The following SGCG variants were observed in gnomAD, a reference collection of about 807,000 sequenced individuals.
SGCG encodes gamma-sarcoglycan.
Under a neutral mutation model 29.3 loss-of-function variants are expected in SGCG, and 26 were observed. The observed-to-expected ratio is 0.89, with a 90% CI of 0.65 to 1.23. SGCG has a LOEUF of 1.23. Ranked by LOEUF, SGCG falls within the 50% of genes most tolerant of loss-of-function variation. The pLI is 0.00. For synonymous variants in SGCG, 145 were observed against 129.7 expected, an observed-to-expected ratio of 1.12 and a Z score of -0.80; for missense variants, 353 against 356.0, an observed-to-expected ratio of 0.99 and a Z score of 0.07.
chr13:23,168,440 C>T, the SGCG span, among the ~76,000 whole-genome samples: 1 of 152,162 alleles, frequency 6.6e-6, no homozygotes, highest in African/African-American at 2.4e-5. Flanking sequence ...GTATCCTCAG[C>T]CCTGGAACAG....
intron 4 of SGCG, among the ~76,000 whole-genome samples, chr13:23,261,775 A>G (rs1306882070): frequency 1.3e-5 from 2 of 152,104 alleles, no homozygotes; most frequent in Non-Finnish European, 2.9e-5. Flanking sequence ...CAGGTAACCT[A>G]TAAAGGAAAA....
At chr13:23,275,750 A>C (rs183304846) in intron 4 of SGCG, among the ~76,000 whole-genome samples, 1 of 152,212 alleles carries the variant, frequency 6.6e-6, no homozygotes, top group Non-Finnish European at 1.5e-5. Flanking sequence ...ATTTTGCCAC[A>C]AAAGTAGTAG....
At chr13:23,210,142 C>A (rs1481106114) in intron 2 of SGCG, among the ~76,000 whole-genome samples, 4 of 152,110 alleles carry the variant, frequency 2.6e-5, no homozygotes, top group Non-Finnish European at 5.9e-5. Context: ...CTAATCTAAT[C>A]ATGTATGTTT....
intron 4 of SGCG, among the ~76,000 whole-genome samples, chr13:23,274,368 A>T (rs17315279): frequency 1.4e-5 from 2 of 146,228 alleles, no homozygotes; most frequent in Non-Finnish European, 3.0e-5. Flanking sequence ...AAGTAATGCA[A>T]GGGTGTGTTT....
Position 23,263,448 on chromosome 13 carries a change from C to T in SGCG, c.385+12731C>T, listed in dbSNP as rs570567842. 2.0e-5 allele frequency among the ~76,000 whole-genome samples: 3 copies of T among 152,026 alleles called. No individual in the cohort carries two copies. The East Asian group carries it at 5.8e-4, about 29-fold the overall frequency. On this transcript the variant is annotated intron_variant, in intron 4 of 7. Transcript: ENST00000218867. ...ATCAGAAAGAAATAGAATTCCTGAA[C>T]AGACCAATAACAAGCAATGAGATTG...
intron 1 of SGCG, among the ~76,000 whole-genome samples, chr13:23,199,561 T>C (rs546314157): frequency 1.4e-5 from 2 of 142,004 alleles, no homozygotes; most frequent in African/African-American, 2.5e-5. Context: ...GTGAGAAATA[T>C]AAACAAATCA....
chr13:23,182,579 A>C (rs1182066265), intron 1 of SGCG, among the ~76,000 whole-genome samples: 1 of 152,050 alleles, frequency 6.6e-6, no homozygotes, highest in East Asian at 1.9e-4. Context: ...AGGATCCATC[A>C]CTTGCTACTT....
intron 4 of SGCG, among the ~76,000 whole-genome samples, chr13:23,251,104 T>G (rs904002717): frequency 6.6e-6 from 1 of 152,196 alleles, no homozygotes; most frequent in Non-Finnish European, 1.5e-5. Flanking sequence ...CGTTCTTTCT[T>G]CTCTTTTCTC....
At chr13:23,287,614 T>C (rs914224527) in intron 5 of SGCG, among the ~76,000 whole-genome samples, 1 of 152,162 alleles carries the variant, frequency 6.6e-6, no homozygotes, top group African/African-American at 2.4e-5. Flanking sequence ...CTAACAGAAA[T>C]AGAAGACTAA....
chr13:23,240,387 C>T (rs1879461935), intron 3 of SGCG, among the ~76,000 whole-genome samples: 2 of 152,178 alleles, frequency 1.3e-5, no homozygotes, highest in African/African-American at 4.8e-5. Context: ...GGGATTTCAG[C>T]ACCCCTCTCT....
chr13:23,201,414 G>A (rs1011547366), intron 1 of SGCG, among the ~76,000 whole-genome samples: 1 of 152,046 alleles, frequency 6.6e-6, no homozygotes, highest in Non-Finnish European at 1.5e-5. Flanking sequence ...CTCTCGAAAG[G>A]GAAAGACCAT....
chr13:23,314,784 G>C (rs1377535234), intron 6 of SGCG, among the ~76,000 whole-genome samples: 2 of 152,148 alleles, frequency 1.3e-5, no homozygotes, highest in Non-Finnish European at 2.9e-5. Context: ...GGCCTGTCAA[G>C]ATACTCCTTC....
At chr13:23,168,699 GACAA>G in the SGCG span, among the ~76,000 whole-genome samples, 2 of 152,146 alleles carry the variant, frequency 1.3e-5, no homozygotes, top group Non-Finnish European at 2.9e-5. Flanking sequence ...TATTCTAGCA[GACAA>G]ACATTTTTTA....
chr13:23,318,288 T>G (rs1029968337), intron 6 of SGCG, among the ~76,000 whole-genome samples: 2 of 151,628 alleles, frequency 1.3e-5, no homozygotes, highest in Non-Finnish European at 2.9e-5. Flanking sequence ...AACTGTGAGA[T>G]CTCTCAAAGT....
At chr13:23,230,752 T>A (rs948645202) in intron 2 of SGCG, among the ~76,000 whole-genome samples, 2 of 151,402 alleles carry the variant, frequency 1.3e-5, no homozygotes, top group Admixed American at 1.3e-4. Flanking sequence ...TGACTTCCTC[T>A]CCTCCTATTT....
At chr13:23,281,797 G>C (rs1271990079) in intron 5 of SGCG, among the ~76,000 whole-genome samples, 1 of 152,140 alleles carries the variant, frequency 6.6e-6, no homozygotes, top group East Asian at 1.9e-4. Context: ...CTGATAGGAG[G>C]CGGGGCTCAG....
At chr13:23,255,991 G>A (rs1880162220) in intron 4 of SGCG, among the ~76,000 whole-genome samples, 1 of 152,106 alleles carries the variant, frequency 6.6e-6, no homozygotes. Flanking sequence ...CAACATCTTA[G>A]AAAGCCATCA....
chr13:23,167,530 G>A, the SGCG span, among the ~76,000 whole-genome samples: 17 of 152,054 alleles, frequency 1.1e-4, no homozygotes, highest in Non-Finnish European at 2.5e-4. Flanking sequence ...AGTGCACAAG[G>A]GTTCTTTTTT....
the SGCG span, chr13:23,169,740 AC>A: frequency 7.2e-6 from 1 of 139,650 alleles, no homozygotes; most frequent in Admixed American, 7.2e-5. Flanking sequence ...ACACACACAC[AC>A]ACACACGCAA....
Sources: allele counts gnomAD v4.1 joint callset (sites outside exome capture counted in the v4.1 genomes callset), GRCh38; gene constraint gnomAD v4.1.1; transcripts MANE v1.5; gene names NCBI Gene and HGNC (gene_info 2026-07-23, HGNC 2026-07-21).